Variants in STRN observed in about 807,000 individuals in gnomAD.
STRN encodes the protein striatin, also known as protein phosphatase 2 regulatory subunit B'''alpha.
A neutral mutation model predicts 96.3 loss-of-function variants in STRN; 53 were observed. The observed-to-expected ratio is 0.55, with a 90% CI of 0.44 to 0.69. STRN has a LOEUF of 0.69. Ranked by LOEUF, STRN falls within the 30% of genes least tolerant of loss-of-function variation. STRN has a pLI of 0.00. For synonymous variants in STRN, 428 were observed against 355.9 expected (o/e 1.20, Z -2.28); for missense variants, 987 against 963.9 (o/e 1.02, Z -0.32).
rs1667867272 is a variant in STRN at position 36,838,305 on chromosome 2, T to G, written c.*11151A>C. ...TGGAAGCGAATTCCTCCTCAGAGCT[T>G]TAGTTGAGTACCCACCCTGGAAGAC... On this transcript the variant is annotated 3_prime_UTR_variant, in exon 18 of 18. Coordinates refer to ENST00000263918, the MANE Select transcript of STRN (RefSeq NM_003162.4). Among the ~76,000 whole-genome samples the G allele has an allele frequency of 6.6e-6, 1 of 152,160 alleles. No individual in the cohort carries two copies. The highest frequency in any genetic ancestry group is 1.5e-5 in the Non-Finnish European group (1 of 68,040).
At position 36,842,675 on chromosome 2, in the gene STRN, G is replaced by C. The variant is rs139550321; in HGVS notation, c.*6781C>G. On this transcript the variant is annotated 3_prime_UTR_variant, in exon 18 of 18. Transcript: ENST00000263918. Reference sequence around the variant, plus strand: ...CAATTAGGAATAAGGAAAGGGTTAGGTTTTGTAGGGTTTGAGTGATACTTA... The same window carrying C: ...CAATTAGGAATAAGGAAAGGGTTAGCTTTTGTAGGGTTTGAGTGATACTTA... The C allele has an allele frequency of 1.3e-5, 2 of 152,210 alleles. No individual in the cohort carries two copies. The highest frequency in any genetic ancestry group is 4.8e-5 in the African/African-American group (2 of 41,520). 9.4% of individuals were successfully genotyped at this position (152,210 alleles called of 1,614,324 possible). A position where few individuals can be genotyped will look rare whatever the true frequency, so the allele number is the denominator to read the frequency against.
At chr2:36,926,592 T>C (rs1670417302) in intron 1 of STRN, among the ~76,000 whole-genome samples, 1 of 152,198 alleles carries the variant, frequency 6.6e-6, no homozygotes, top group African/African-American at 2.4e-5. Context: ...ATGAGCTTTG[T>C]TCCTATTCAG....
At chr2:36,924,001 A>C (rs1033527374) in intron 2 of STRN, among the ~76,000 whole-genome samples, 5 of 152,168 alleles carry the variant, frequency 3.3e-5, no homozygotes, top group African/African-American at 1.2e-4. Context: ...GCAAAATAGA[A>C]AGGTAAGATA....
At chr2:36,894,108 T>A in intron 6 of STRN, 75 bp from the exon 7 acceptor site, 1 of 1,521,074 alleles carries the variant, frequency 6.6e-7, no homozygotes, top group South Asian at 1.3e-5. Flanking sequence ...TTCAATTATT[T>A]TCTTCAGAAA....
intron 9 of STRN, among the ~76,000 whole-genome samples, chr2:36,879,076 T>A (rs1668998930): frequency 6.6e-6 from 1 of 150,850 alleles, no homozygotes; most frequent in Non-Finnish European, 1.5e-5. Flanking sequence ...GTTTATTTGT[T>A]TTTTTTGTTT....
intron 1 of STRN, among the ~76,000 whole-genome samples, chr2:36,935,187 C>T (rs2148245330): frequency 6.6e-6 from 1 of 152,274 alleles, no homozygotes; most frequent in South Asian, 2.1e-4. Context: ...GGCTTATGCC[C>T]TTCTCTCTCC....
rs539011694 is a variant in STRN, at chr2:36,843,465, T to C, written c.*5991A>G. 1.3e-5 allele frequency among the ~76,000 whole-genome samples: 2 copies of C among 152,312 alleles called. No homozygotes were observed. Among genetic ancestry groups the C allele is most frequent in the Admixed American group, 1.3e-4 (2 of 15,294 alleles). On this transcript the variant is annotated 3_prime_UTR_variant, in exon 18 of 18. Transcript: ENST00000263918. ...TATAAATTTTAAAAGCCATTTAAAC[T>C]GAACATTTGAAAAACATAAAACCTA...
intron 1 of STRN, among the ~76,000 whole-genome samples, chr2:36,925,607 T>C (rs1383376981): frequency 3.3e-5 from 5 of 151,894 alleles, no homozygotes; most frequent in Non-Finnish European, 5.9e-5. Context: ...TGAAACCCTG[T>C]CTCTACTAAA....
rs201863283 is a variant in STRN, at chr2:36,855,222, A to G, written c.1968T>C (p.Asn656=). The part of the protein sequence containing the change: ...TQQRILTLES[N]VDTTANSSCQ... ...AATTGGTATGCATACTTGTATCTAC[A>G]TTGGATTCTAAAGTGAGAATGCGTT... The change falls in exon 15 of 18, where the codon AAT becomes AAC. Residue 656 remains asparagine (N), a synonymous_variant. Transcript: ENST00000263918. The G allele has an allele frequency of 6.2e-7, 1 of 1,613,658 alleles. No individual in the cohort carries two copies. The highest frequency in any genetic ancestry group is 1.3e-5 in the African/African-American group (1 of 75,030).
chr2:36,869,854 A>G lies in STRN; in HGVS notation c.1324-125T>C, dbSNP rs936164853. 7 of 730,510 alleles carry G rather than the reference A, an allele frequency of 9.6e-6. No homozygotes were observed. In the South Asian group the frequency reaches 1.8e-4, roughly 19 times the overall value. The allele number at this position is 730,510 out of a possible 1,614,324, so 45.3% of individuals were successfully genotyped here. A position where few individuals can be genotyped will look rare whatever the true frequency, so the allele number is the denominator to read the frequency against. ...ATCACTTTGCAATTTTTAAAACAAT[A>G]TAATTTTTATATGTAAATAACCAAA... On this transcript the variant is annotated intron_variant, in intron 10 of 17. Coordinates refer to ENST00000263918, the MANE Select transcript of STRN (RefSeq NM_003162.4).
chr2:36,882,972 C>T (rs908841996), intron 9 of STRN, among the ~76,000 whole-genome samples: 1 of 152,134 alleles, frequency 6.6e-6, no homozygotes, highest in African/African-American at 2.4e-5. Flanking sequence ...TAAGATTACA[C>T]TGCAAAAGAC....
intron 1 of STRN, among the ~76,000 whole-genome samples, chr2:36,930,640 G>A (rs1430712080): frequency 6.6e-6 from 1 of 152,008 alleles, no homozygotes; most frequent in African/African-American, 2.4e-5. Flanking sequence ...GAGAACCACT[G>A]ACTTAAACCG....
intron 1 of STRN, among the ~76,000 whole-genome samples, chr2:36,945,710 C>A (rs1409755905): frequency 6.6e-6 from 1 of 151,596 alleles, no homozygotes; most frequent in East Asian, 1.9e-4. Context: ...AAAATATTAA[C>A]AAAACAAATA....
At chr2:36,873,694 C>T (rs1020105136) in intron 10 of STRN, among the ~76,000 whole-genome samples, 1 of 152,102 alleles carries the variant, frequency 6.6e-6, no homozygotes, top group African/African-American at 2.4e-5. Flanking sequence ...CCTGTAATCC[C>T]AGCACTTTGG....
intron 9 of STRN, among the ~76,000 whole-genome samples, chr2:36,880,631 T>C (rs1669046672): frequency 1.3e-5 from 2 of 152,162 alleles, no homozygotes. Flanking sequence ...TCTAAACATT[T>C]ACTAATGAAG....
intron 8 of STRN, among the ~76,000 whole-genome samples, chr2:36,884,733 T>C (rs1226114717): frequency 6.6e-6 from 1 of 152,122 alleles, no homozygotes; most frequent in African/African-American, 2.4e-5. Flanking sequence ...TATTTCAAGA[T>C]GGTATGATTG....
intron 1 of STRN, among the ~76,000 whole-genome samples, chr2:36,938,444 G>C (rs1444287123): frequency 6.6e-6 from 1 of 150,826 alleles, no homozygotes; most frequent in African/African-American, 2.4e-5. Context: ...AAAAAAAAAA[G>C]AGTTTAAGAA....
chr2:36,861,359 G>C, intron 12 of STRN, 106 bp from the exon 13 acceptor site: 1 of 1,408,448 alleles, frequency 7.1e-7, no homozygotes, highest in Non-Finnish European at 9.6e-7. Flanking sequence ...CTATTTTTCT[G>C]CTTTTTATAA....
intron 9 of STRN, among the ~76,000 whole-genome samples, chr2:36,881,949 TACC>T (rs1177648524): frequency 2.6e-5 from 4 of 152,220 alleles, no homozygotes; most frequent in African/African-American, 4.8e-5. Context: ...GTGATCAACA[TACC>T]TACTAAGGAC....
Sources: gnomAD v4.1 joint callset for allele counts (sites outside exome capture counted in the v4.1 genomes callset) on GRCh38, gnomAD v4.1.1 for gene constraint, MANE v1.5 for transcripts, NCBI Gene and HGNC (gene_info 2026-07-23, HGNC 2026-07-21) for gene names.